Variants in FILIP1 observed in about 807,000 individuals in gnomAD.
The protein encoded by FILIP1 is filamin A interacting protein 1.
In FILIP1, 61 loss-of-function variants were observed where a neutral mutation model predicts 102.1. The ratio of observed to expected loss-of-function variants is 0.60; its 90% CI spans 0.49 to 0.74. The LOEUF is 0.74. FILIP1 is among the 30% of genes least tolerant of loss of function. The pLI is 0.00. For synonymous variants in FILIP1, 491 were observed against 526.9 expected, an observed-to-expected ratio of 0.93 and a Z score of 0.93; for missense variants, 1,314 against 1,441.2, an observed-to-expected ratio of 0.91 and a Z score of 1.43.
chr6:75,413,504 T>C (rs1482716840), intron 2 of FILIP1, among the ~76,000 whole-genome samples: 3 of 152,130 alleles, frequency 2.0e-5, no homozygotes, highest in Admixed American at 6.6e-5. Flanking sequence ...GAGTTTTGTA[T>C]GTTGTTTGTT....
intron 1 of FILIP1, among the ~76,000 whole-genome samples, chr6:75,485,996 C>T (rs2872169): frequency 0.32 from 42,393 of 132,288 alleles, 6,723 homozygotes; most frequent in Non-Finnish European, 0.42. Flanking sequence ...CACACACACA[C>T]ATACACACAC....
chr6:75,392,849 A>T (rs1201149832), intron 2 of FILIP1, among the ~76,000 whole-genome samples: 1 of 152,140 alleles, frequency 6.6e-6, no homozygotes, highest in Admixed American at 6.5e-5. Context: ...TTCTCTGCAC[A>T]AGCTCTCTCT....
At chr6:75,325,212 A>G (rs1030748163) in intron 4 of FILIP1, among the ~76,000 whole-genome samples, 5 of 152,216 alleles carry the variant, frequency 3.3e-5, no homozygotes, top group Non-Finnish European at 7.3e-5. Flanking sequence ...AACTGAGGTC[A>G]GGAGTTCGAG....
chr6:75,483,381 A>G (rs1199925965), intron 1 of FILIP1, among the ~76,000 whole-genome samples: 1 of 152,186 alleles, frequency 6.6e-6, no homozygotes, highest in African/African-American at 2.4e-5. Flanking sequence ...CAGACAGAGG[A>G]ATCCCAGGAA....
At chr6:75,432,732 G>T (rs1777868194) in intron 1 of FILIP1, among the ~76,000 whole-genome samples, 1 of 151,802 alleles carries the variant, frequency 6.6e-6, no homozygotes, top group African/African-American at 2.4e-5. Context: ...TGCATAACAT[G>T]CAGGTTTGTT....
At chr6:75,433,632 ACT>A (rs1342180967) in intron 1 of FILIP1, among the ~76,000 whole-genome samples, 2 of 152,118 alleles carry the variant, frequency 1.3e-5, no homozygotes, top group African/African-American at 4.8e-5. Context: ...TTGCCTGTTC[ACT>A]CTGAGGATAG....
chr6:75,375,388 C>T (rs1378395118), intron 2 of FILIP1, among the ~76,000 whole-genome samples: 1 of 152,196 alleles, frequency 6.6e-6, no homozygotes, highest in African/African-American at 2.4e-5. Flanking sequence ...GGGGCACACA[C>T]AACTGTGTTC....
chr6:75,391,988 C>T (rs1776293772), intron 2 of FILIP1, among the ~76,000 whole-genome samples: 1 of 152,074 alleles, frequency 6.6e-6, no homozygotes, highest in South Asian at 2.1e-4. Context: ...ATTCAATGGT[C>T]AACTCTCACT....
intron 4 of FILIP1, among the ~76,000 whole-genome samples, chr6:75,346,095 T>C (rs1000129368): frequency 6.6e-6 from 1 of 152,226 alleles, no homozygotes; most frequent in African/African-American, 2.4e-5. Context: ...TATAATCTAA[T>C]AGGCTCTGAG....
At chr6:75,319,114 T>C in intron 4 of FILIP1, 1 of 726,882 alleles carries the variant, frequency 1.4e-6, no homozygotes. Flanking sequence ...CTCTTCCTTC[T>C]TTTTCTTGCT....
At chr6:75,360,874 CGGTTCCT>C in intron 3 of FILIP1, 1 of 152,246 alleles carries the variant, frequency 6.6e-6, no homozygotes, top group East Asian at 1.9e-4. Flanking sequence ...TGATGTATCG[CGGTTCCT>C]GCCTCGTGAA....
chr6:75,396,918 ATAAG>A (rs1562543739), intron 2 of FILIP1, among the ~76,000 whole-genome samples: 2 of 150,830 alleles, frequency 1.3e-5, no homozygotes, highest in African/African-American at 4.9e-5. Flanking sequence ...CAAACCATCT[ATAAG>A]TAAGTCATGT....
intron 2 of FILIP1, among the ~76,000 whole-genome samples, chr6:75,402,766 T>C (rs1441979221): frequency 6.6e-6 from 1 of 152,204 alleles, no homozygotes; most frequent in African/African-American, 2.4e-5. Context: ...AGAATCATAG[T>C]ATTGTAGTGG....
chr6:75,471,235 GACAAGTACTAGGAGAAGGTATTTCA>G (rs1779320238), intron 1 of FILIP1, among the ~76,000 whole-genome samples: 2 of 143,616 alleles, frequency 1.4e-5, no homozygotes, highest in South Asian at 4.4e-4. Flanking sequence ...AAAGTGAAAA[GACAAGTACTAGGAGAAGGTATTTCA>G]ACAAGTACTA....
chr6:75,303,609 T>C (rs1274155512), downstream of FILIP1, among the ~76,000 whole-genome samples: 2 of 152,174 alleles, frequency 1.3e-5, no homozygotes, highest in East Asian at 3.9e-4. Context: ...AGCAGACTGA[T>C]TGCAGGGGAG....
At chr6:75,488,049 T>G (rs1009309184) in intron 1 of FILIP1, among the ~76,000 whole-genome samples, 1 of 152,130 alleles carries the variant, frequency 6.6e-6, no homozygotes, top group African/African-American at 2.4e-5. Context: ...CTTTTTAGTT[T>G]GTATTTCACA....
At position 75,308,440 on chromosome 6, in the gene FILIP1, C is replaced by A. The variant is rs905311100; in HGVS notation, c.*251G>T. On this transcript the variant is annotated 3_prime_UTR_variant, in exon 6 of 6. Transcript: ENST00000237172. ...ATGGGTCTATTGATGGGTCCACTTGCTAGAAGCAAAACTGGAACTAGAAAC... is the reference window on the plus strand; with the variant it reads ...ATGGGTCTATTGATGGGTCCACTTGATAGAAGCAAAACTGGAACTAGAAAC... 9 of 1,308,264 alleles carry A rather than the reference C, an allele frequency of 6.9e-6. No homozygotes were observed. The highest frequency in any genetic ancestry group is 8.8e-6 in the Non-Finnish European group (9 of 1,017,220). The allele number at this position is 1,308,264 out of a possible 1,614,324, so 81.0% of individuals were successfully genotyped here.
At chr6:75,303,999 A>C (rs2748253), downstream of FILIP1, among the ~76,000 whole-genome samples, 37,252 of 151,904 alleles carry the variant, frequency 0.25, 5,656 homozygotes, top group East Asian at 0.44. Context: ...GAAAAATATG[A>C]AACTGGTGTG....
Position 75,440,549 on chromosome 6 carries a change from C to A in FILIP1, c.-6-25571G>T, listed in dbSNP as rs192914637. ...AAAGTGGAATGGCAGGCAAGATTGA[C>A]TTCCTGTGTTCAAGAATCACATAAC... On this transcript the variant is annotated intron_variant, in intron 1 of 5. Transcript: ENST00000237172. 1.4e-4 allele frequency among the ~76,000 whole-genome samples: 21 copies of A among 152,340 alleles called. 1 individual carries two copies. The highest frequency in any genetic ancestry group is 6.2e-4 in the South Asian group (3 of 4,832).
Sources: gnomAD v4.1 joint callset for allele counts (sites outside exome capture counted in the v4.1 genomes callset) on GRCh38, gnomAD v4.1.1 for gene constraint, MANE v1.5 for transcripts, NCBI Gene and HGNC (gene_info 2026-07-23, HGNC 2026-07-21) for gene names.